The following SLC24A3 variants were observed in gnomAD, a reference collection of about 807,000 sequenced individuals.
SLC24A3 encodes the protein solute carrier family 24 member 3, also known as sodium/potassium/calcium exchanger 3.
SLC24A3 carries 28 observed loss-of-function variants against 75.8 expected under a neutral mutation model. The ratio of observed to expected loss-of-function variants is 0.37; its 90% CI spans 0.27 to 0.51. The LOEUF is 0.51. Ranked by LOEUF, SLC24A3 falls within the 20% of genes least tolerant of loss-of-function variation. SLC24A3 has a pLI of 0.94. For missense variants in SLC24A3, 663 were observed against 847.8 expected (o/e 0.78, Z 2.71); for synonymous variants, 372 against 334.1 (o/e 1.11, Z -1.24).
At chr20:19,269,598 C>G (rs1434388783) in intron 1 of SLC24A3, among the ~76,000 whole-genome samples, 1 of 152,236 alleles carries the variant, frequency 6.6e-6, no homozygotes, top group Non-Finnish European at 1.5e-5. Context: ...TTCTTTCCAG[C>G]ACCCTTTGAA....
chr20:19,221,426 C>G (rs1302362532), intron 1 of SLC24A3, among the ~76,000 whole-genome samples: 1 of 152,170 alleles, frequency 6.6e-6, no homozygotes, highest in Non-Finnish European at 1.5e-5. Context: ...AGCCCTGCTC[C>G]CTGGAACCCA....
At chr20:19,344,900 T>C (rs1269121165) in intron 2 of SLC24A3, among the ~76,000 whole-genome samples, 1 of 152,180 alleles carries the variant, frequency 6.6e-6, no homozygotes, top group Non-Finnish European at 1.5e-5. Flanking sequence ...AGAAACTAGA[T>C]ACTTTACCCC....
At chr20:19,241,403 A>G (rs1265246524) in intron 1 of SLC24A3, among the ~76,000 whole-genome samples, 1 of 152,064 alleles carries the variant, frequency 6.6e-6, no homozygotes, top group African/African-American at 2.4e-5. Context: ...CTCCCCAGGC[A>G]TCTCCTCTCA....
rs910315428 is a variant in SLC24A3, at chr20:19,691,476, C to T, written c.1325-1783C>T. Among the ~76,000 whole-genome samples, 6 of 152,184 alleles carry T rather than the reference C, an allele frequency of 3.9e-5. 1 individual carries two copies. Among genetic ancestry groups the T allele is most frequent in the Non-Finnish European group, 8.8e-5 (6 of 68,038 alleles). On this transcript the variant is annotated intron_variant, in intron 12 of 16. Transcript: ENST00000328041. ...ACCATGGTGGGGAGACCTGATTTTA[C>T]TCTAAGGGCAGTGGAGGCCAGTGGA...
At chr20:19,638,195 G>A (rs906918029) in intron 6 of SLC24A3, among the ~76,000 whole-genome samples, 5 of 152,030 alleles carry the variant, frequency 3.3e-5, no homozygotes, top group African/African-American at 1.2e-4. Flanking sequence ...TCCTGTGTTA[G>A]TTAGCTGAGG....
chr20:19,528,228 T>C (rs2030233712), intron 3 of SLC24A3, among the ~76,000 whole-genome samples: 1 of 152,224 alleles, frequency 6.6e-6, no homozygotes, highest in Admixed American at 6.5e-5. Context: ...CCTTTCAGTT[T>C]GAACAACTTA....
At chr20:19,516,858 G>A (rs540401964) in intron 3 of SLC24A3, among the ~76,000 whole-genome samples, 1 of 152,308 alleles carries the variant, frequency 6.6e-6, no homozygotes, top group Admixed American at 6.5e-5. Flanking sequence ...AGCAGGCACA[G>A]CCTGGGCTGT....
chr20:19,431,760 T>G (rs1987108123), intron 2 of SLC24A3, among the ~76,000 whole-genome samples: 1 of 152,046 alleles, frequency 6.6e-6, no homozygotes, highest in Admixed American at 6.5e-5. Context: ...AATAACTTGT[T>G]AACAAGGTGT....
At chr20:19,673,871 C>CTTCA (rs1013269328) in intron 9 of SLC24A3, among the ~76,000 whole-genome samples, 31 of 152,218 alleles carry the variant, frequency 2.0e-4, no homozygotes, top group African/African-American at 6.8e-4. Context: ...AGACTCAAAG[C>CTTCA]TTCAGTGTTT....
At chr20:19,213,868 G>T (rs1047836859) in intron 1 of SLC24A3, among the ~76,000 whole-genome samples, 1 of 152,156 alleles carries the variant, frequency 6.6e-6, no homozygotes, top group South Asian at 2.1e-4. Context: ...TTGTAAAATG[G>T]TTTTATATCC....
chr20:19,382,623 G>C (rs1054726886), intron 2 of SLC24A3, among the ~76,000 whole-genome samples: 11 of 152,048 alleles, frequency 7.2e-5, no homozygotes, highest in African/African-American at 2.7e-4. Context: ...TGTCTCTCTG[G>C]CTGTGCCAGG....
At chr20:19,480,644 C>T (rs1988038039) in intron 2 of SLC24A3, among the ~76,000 whole-genome samples, 1 of 152,126 alleles carries the variant, frequency 6.6e-6, no homozygotes, top group African/African-American at 2.4e-5. Context: ...ACAGAGGAGA[C>T]CAGAACATTC....
At chr20:19,520,132 C>A (rs1182683748) in intron 3 of SLC24A3, among the ~76,000 whole-genome samples, 1 of 152,170 alleles carries the variant, frequency 6.6e-6, no homozygotes. Flanking sequence ...TATCCCATAC[C>A]AAGGCAAGCT....
chr20:19,352,025 G>A (rs913333069), intron 2 of SLC24A3, among the ~76,000 whole-genome samples: 5 of 151,428 alleles, frequency 3.3e-5, no homozygotes, highest in African/African-American at 9.7e-5. Flanking sequence ...AGGGGATACC[G>A]ATGAAGGAGG....
intron 2 of SLC24A3, among the ~76,000 whole-genome samples, chr20:19,427,618 G>A (rs375472978): frequency 8.5e-5 from 13 of 152,238 alleles, no homozygotes; most frequent in Non-Finnish European, 4.4e-5. Flanking sequence ...CTGCTATCGG[G>A]AACCCGGAGT....
chr20:19,254,636 C>A (rs73124841), intron 1 of SLC24A3, among the ~76,000 whole-genome samples: 16,464 of 152,270 alleles, frequency 0.11, 1,165 homozygotes, highest in Non-Finnish European at 0.16. Flanking sequence ...GTCTTTCTGA[C>A]TCATGCCTCT....
chr20:19,547,537 A>T (rs185340652), intron 3 of SLC24A3, among the ~76,000 whole-genome samples: 22 of 152,368 alleles, frequency 1.4e-4, no homozygotes, highest in African/African-American at 4.8e-4. Flanking sequence ...TATGTAAATT[A>T]TACCTCAATA....
chr20:19,279,434 C>T (rs147381214), intron 1 of SLC24A3, among the ~76,000 whole-genome samples: 70 of 152,294 alleles, frequency 4.6e-4, no homozygotes, highest in Non-Finnish European at 7.1e-4. Flanking sequence ...GAAGCCAGGC[C>T]CCACCTGTCA....
In SLC24A3 at chr20:19,721,081, A is replaced by T. The variant is rs922262569; in HGVS notation, c.1876A>T (p.Ile626Phe). Residue 626 changes from isoleucine (I) to phenylalanine (F), a missense_variant, in exon 17 of 17, where the codon ATC (isoleucine) becomes TTC (phenylalanine). Around this residue, in one of 2 missense-constraint regions of SLC24A3, gnomAD observed 510 missense variants for 703.6 expected, o/e 0.72. Coordinates refer to ENST00000328041, the MANE Select transcript of SLC24A3 (RefSeq NM_020689.4). ...LLYGVFLCFS[I>F]MTEFNVFTFV... ...GTATGGTGTGTTCCTGTGCTTCTCC[A>T]TCATGACTGAGTTCAACGTGTTCAC... 2.2e-5 allele frequency: 36 copies of T among 1,613,938 alleles called. No homozygotes were observed. Among genetic ancestry groups the T allele is most frequent in the Non-Finnish European group, 2.8e-5 (33 of 1,180,024 alleles).
Sources: gnomAD v4.1 joint callset for allele counts (sites outside exome capture counted in the v4.1 genomes callset) on GRCh38, gnomAD v4.1.1 for gene constraint, gnomAD v4.1.1 regional missense constraint, MANE v1.5 for transcripts, NCBI Gene and HGNC (gene_info 2026-07-23, HGNC 2026-07-21) for gene names.